COMMD10: variants seen among roughly 807,000 people sequenced by gnomAD.
COMMD10 encodes the protein COMM domain-containing protein 10.
COMMD10 carries 33 observed loss-of-function variants against 28.9 expected under a neutral mutation model. The ratio of observed to expected loss-of-function variants is 1.14; its 90% CI spans 0.87 to 1.53. The LOEUF (loss-of-function observed/expected upper bound fraction) is 1.53. Among genes scored for constraint, COMMD10 ranks in the 40% most tolerant of loss-of-function variants. The probability of loss-of-function intolerance (pLI) is 0.00; values close to 1 mark genes in which losing one functional copy is unlikely to be tolerated. For missense variants in COMMD10, 310 were observed against 233.4 expected, an observed-to-expected ratio of 1.33 and a Z score of -2.14; for synonymous variants, 110 against 81.7, an observed-to-expected ratio of 1.35 and a Z score of -1.87.
At chr5:116,145,144 G>C (rs1268147292) in intron 5 of COMMD10, among the ~76,000 whole-genome samples, 1 of 151,780 alleles carries the variant, frequency 6.6e-6, no homozygotes, top group Non-Finnish European at 1.5e-5. Context: ...TGGGAGAATG[G>C]GGCGGTTCTA....
rs149509018 is a variant in COMMD10 at position 116,137,742 on chromosome 5, G to A, written c.510+3564G>A. 2.8e-3 allele frequency among the ~76,000 whole-genome samples: 424 copies of A among 152,096 alleles called. 2 individuals are homozygous for A. Among genetic ancestry groups the A allele is most frequent in the African/African-American group, 9.8e-3 (408 of 41,526 alleles). The stretch of plus-strand genomic sequence containing the variant: ...AATTGCTATCACACTGGATAACACT[G>A]TTTGACTGTGGTCTCCTTTCTTAGA... On this transcript the variant is annotated intron_variant, in intron 5 of 6. Coordinates refer to ENST00000274458, the MANE Select transcript of COMMD10 (RefSeq NM_016144.4).
At chr5:116,169,753 A>G (rs1196292248) in intron 5 of COMMD10, among the ~76,000 whole-genome samples, 11 of 152,214 alleles carry the variant, frequency 7.2e-5, no homozygotes, top group Non-Finnish European at 1.6e-4. Context: ...TATTATCTCA[A>G]TAGATGTAGA....
intron 4 of COMMD10, among the ~76,000 whole-genome samples, chr5:116,129,094 G>T (rs1378351804): frequency 5.3e-5 from 8 of 151,676 alleles, no homozygotes; most frequent in Non-Finnish European, 1.2e-4. Context: ...TCTCCACTTT[G>T]ATTCAGTATC....
chr5:116,180,146 T>C (rs1313243822), intron 5 of COMMD10, among the ~76,000 whole-genome samples: 1 of 152,126 alleles, frequency 6.6e-6, no homozygotes, highest in Non-Finnish European at 1.5e-5. Flanking sequence ...TTAGGGTTAA[T>C]TGATTATATC....
chr5:116,188,919 T>G (rs2112608631), intron 5 of COMMD10, among the ~76,000 whole-genome samples: 1 of 152,350 alleles, frequency 6.6e-6, no homozygotes, highest in South Asian at 2.1e-4. Flanking sequence ...CGTAAGCCAC[T>G]GCACCCAGCC....
intron 5 of COMMD10, chr5:116,188,591 C>T (rs528464473): frequency 1.3e-5 from 2 of 149,564 alleles, no homozygotes; most frequent in Non-Finnish European, 3.0e-5. Context: ...TTCTTTCTTT[C>T]TTTTCTTCTT....
chr5:116,255,836 T>C (rs1485125838), intron 5 of COMMD10: 1 of 151,294 alleles, frequency 6.6e-6, no homozygotes, highest in Non-Finnish European at 1.5e-5. Flanking sequence ...TAAAGAGTAT[T>C]TTATTAAAAC....
intron 5 of COMMD10, among the ~76,000 whole-genome samples, chr5:116,146,103 G>C (rs1440584776): frequency 1.3e-5 from 2 of 151,872 alleles, no homozygotes; most frequent in Non-Finnish European, 2.9e-5. Context: ...CTGGTGTACA[G>C]TTTATCTGTT....
intron 5 of COMMD10, among the ~76,000 whole-genome samples, chr5:116,281,567 G>A (rs1751070265): frequency 1.3e-5 from 2 of 151,544 alleles, no homozygotes; most frequent in South Asian, 4.2e-4. Context: ...TATAAGTAAT[G>A]CATTTATTAA....
chr5:116,094,306 A>C (rs1021029358), intron 4 of COMMD10, among the ~76,000 whole-genome samples: 1 of 152,242 alleles, frequency 6.6e-6, no homozygotes, highest in African/African-American at 2.4e-5. Context: ...TATACAAGGA[A>C]CTCAAACATC....
rs147055521 is a variant in COMMD10, at chr5:116,126,641, C to G, written c.400-7427C>G. ...TACCACACATCTACAACCATCTGATCTTTGACAAACCTGACAAAAACAAGA... is the reference window on the plus strand; with the variant it reads ...TACCACACATCTACAACCATCTGATGTTTGACAAACCTGACAAAAACAAGA... On this transcript the variant is annotated intron_variant, in intron 4 of 6. Coordinates refer to ENST00000274458, the MANE Select transcript of COMMD10 (RefSeq NM_016144.4). 5.7e-3 allele frequency among the ~76,000 whole-genome samples: 868 copies of G among 151,790 alleles called. 12 individuals carry two copies. The highest frequency in any genetic ancestry group is 0.02 in the African/African-American group (818 of 41,104).
chr5:116,277,028 G>A (rs1389952075), intron 5 of COMMD10, among the ~76,000 whole-genome samples: 1 of 151,722 alleles, frequency 6.6e-6, no homozygotes, highest in African/African-American at 2.4e-5. Context: ...TGAACTGTGT[G>A]GGACATGAAT....
chr5:116,285,843 G>T (rs140261525), intron 5 of COMMD10, among the ~76,000 whole-genome samples: 31 of 151,906 alleles, frequency 2.0e-4, no homozygotes, highest in African/African-American at 7.0e-4. Flanking sequence ...TAGTGTCTTT[G>T]TCTGACTTTG....
intron 5 of COMMD10, among the ~76,000 whole-genome samples, chr5:116,143,069 G>GTTTTTTTTTTT (rs375227609): frequency 7.6e-6 from 1 of 131,014 alleles, no homozygotes; most frequent in African/African-American, 2.8e-5. Flanking sequence ...TGTGTTTTTG[G>GTTTTTTTTTTT]TTTTTTTTTT....
chr5:116,136,509 A>C (rs72804832), intron 5 of COMMD10, among the ~76,000 whole-genome samples: 8,147 of 152,282 alleles, frequency 0.053, 304 homozygotes, highest in East Asian at 0.15. Flanking sequence ...TCATGAGTTC[A>C]GCAATGCTTG....
At chr5:116,254,251 C>T (rs1395381982) in intron 5 of COMMD10, among the ~76,000 whole-genome samples, 1 of 152,026 alleles carries the variant, frequency 6.6e-6, no homozygotes, top group Non-Finnish European at 1.5e-5. Flanking sequence ...AAAACCAGTT[C>T]CTGGATTCAT....
At chr5:116,265,631 G>A (rs557098155) in intron 5 of COMMD10, among the ~76,000 whole-genome samples, 1 of 151,850 alleles carries the variant, frequency 6.6e-6, no homozygotes, top group South Asian at 2.1e-4. Flanking sequence ...AAGGCCCTGG[G>A]CTACGTACAT....
chr5:116,212,397 T>C lies in COMMD10; in HGVS notation c.510+78219T>C, dbSNP rs1192155512. ...CCAAGCCAGTGGTAGTCCTTCTGTA[T>C]TGGGGCTTTTTGCAGAGGATTGGGG... is the stretch of plus-strand genomic sequence containing the variant. On this transcript the variant is annotated intron_variant, in intron 5 of 6. Coordinates refer to ENST00000274458, the MANE Select transcript of COMMD10 (RefSeq NM_016144.4). Among the ~76,000 whole-genome samples, 10 of 152,134 alleles carry C rather than the reference T, an allele frequency of 6.6e-5. No homozygotes were observed. In the South Asian group the frequency reaches 8.3e-4, roughly 13 times the overall value.
At chr5:116,241,596 T>TTATTTATA (rs1455888258) in intron 5 of COMMD10, among the ~76,000 whole-genome samples, 2 of 147,934 alleles carry the variant, frequency 1.4e-5, no homozygotes, top group African/African-American at 5.0e-5. Flanking sequence ...ATTTATTTAT[T>TTATTTATA]TATTTATTTA....
Sources: gnomAD v4.1 joint callset for allele counts (sites outside exome capture counted in the v4.1 genomes callset) on GRCh38, gnomAD v4.1.1 for gene constraint, MANE v1.5 for transcripts, NCBI Gene and HGNC (gene_info 2026-07-23, HGNC 2026-07-21) for gene names.